Variants in UNC79 observed in about 807,000 individuals in gnomAD.
UNC79 encodes protein unc-79 homolog.
Under a neutral mutation model 283.1 loss-of-function variants are expected in UNC79, and 37 were observed. That is an observed-to-expected ratio of 0.13 (90% CI 0.10 to 0.17). UNC79 has a LOEUF of 0.17. Among genes scored for constraint, UNC79 ranks in the 10% least tolerant of loss-of-function variants. The pLI is 1.00. For missense variants in UNC79, 2,272 were observed against 3,211.1 expected, an observed-to-expected ratio of 0.71 and a Z score of 7.07; for synonymous variants, 1,107 against 1,200.2, an observed-to-expected ratio of 0.92 and a Z score of 1.61.
intron 22 of UNC79, 90 bp from the exon 23 acceptor site, chr14:93,593,590 A>G: frequency 1.3e-6 from 2 of 1,484,958 alleles, no homozygotes; most frequent in Non-Finnish European, 1.8e-6. Context: ...ACCGTCTTGT[A>G]ACTACTCTTG....
chr14:93,384,656 C>G (rs987287220), intron 1 of UNC79, among the ~76,000 whole-genome samples: 3 of 152,154 alleles, frequency 2.0e-5, no homozygotes, highest in African/African-American at 7.2e-5. Flanking sequence ...TGGGTTGTCT[C>G]TTTGCTTTGT....
intron 26 of UNC79, among the ~76,000 whole-genome samples, chr14:93,610,308 C>G (rs774497718): frequency 7.2e-5 from 11 of 152,320 alleles, no homozygotes; most frequent in Middle Eastern, 3.4e-3. Flanking sequence ...CTCTCATACA[C>G]TCTTCAGTTC....
intron 1 of UNC79, among the ~76,000 whole-genome samples, chr14:93,416,859 T>A (rs908646953): frequency 2.0e-5 from 3 of 152,186 alleles, no homozygotes; most frequent in Non-Finnish European, 2.9e-5. Flanking sequence ...CCTTTTTTTG[T>A]TTTCCATTGG....
intron 22 of UNC79, among the ~76,000 whole-genome samples, chr14:93,591,434 A>G (rs2064669354): frequency 6.6e-6 from 1 of 152,248 alleles, no homozygotes; most frequent in African/African-American, 2.4e-5. Flanking sequence ...TGATAACATA[A>G]AGAGCTGATT....
intron 24 of UNC79, 130 bp from the exon 25 acceptor site, chr14:93,600,439 T>C (rs1238850622): frequency 1.7e-6 from 1 of 597,204 alleles, no homozygotes; most frequent in Middle Eastern, 4.5e-4. Context: ...GGGATCATTC[T>C]ACATTATAAG....
chr14:93,451,715 C>T (rs962625602), intron 1 of UNC79, among the ~76,000 whole-genome samples: 1 of 152,124 alleles, frequency 6.6e-6, no homozygotes, highest in Non-Finnish European at 1.5e-5. Flanking sequence ...CTCTTCTGCC[C>T]CTTACCTCCT....
chr14:93,526,251 T>C (rs539590701), intron 8 of UNC79, among the ~76,000 whole-genome samples: 24 of 152,356 alleles, frequency 1.6e-4, no homozygotes, highest in Middle Eastern at 3.4e-3. Flanking sequence ...ACAATAGGTC[T>C]GGCTCAGTAT....
At chr14:93,657,351 AT>A (rs11322674) in intron 38 of UNC79, among the ~76,000 whole-genome samples, 80,183 of 136,888 alleles carry the variant, frequency 0.59, 23,328 homozygotes, top group Admixed American at 0.66. Flanking sequence ...GGTATGGCAA[AT>A]TTTTTTTTTT....
At chr14:93,618,547 G>T (rs2066897944) in intron 29 of UNC79, among the ~76,000 whole-genome samples, 193 bp downstream of exon 30, 2 of 152,158 alleles carry the variant, frequency 1.3e-5, no homozygotes, top group Non-Finnish European at 1.5e-5. Context: ...AGGAATAAAT[G>T]ATGTGCTTCC....
intron 14 of UNC79, among the ~76,000 whole-genome samples, chr14:93,552,460 T>A (rs1196110676): frequency 1.3e-5 from 2 of 152,030 alleles, no homozygotes; most frequent in African/African-American, 4.8e-5. Context: ...TGGAAGAAAA[T>A]TTTTAAAATG....
chr14:93,673,496 A>C, intron 41 of UNC79, 41 bp downstream of exon 44: 1 of 1,575,024 alleles, frequency 6.3e-7, no homozygotes, highest in South Asian at 1.1e-5. Flanking sequence ...CATGAGATCC[A>C]TGTATGTTTG....
At chr14:93,694,029 A>G (rs1175025667) in intron 46 of UNC79, among the ~76,000 whole-genome samples, 1 of 152,228 alleles carries the variant, frequency 6.6e-6, no homozygotes, top group Admixed American at 6.5e-5. Context: ...AAGGCAACAG[A>G]GGCCATTTAT....
chr14:93,495,667 T>C (rs544380021), intron 5 of UNC79, among the ~76,000 whole-genome samples: 1 of 152,226 alleles, frequency 6.6e-6, no homozygotes, highest in Admixed American at 6.5e-5. Flanking sequence ...AAAAGTCAAG[T>C]AAGATGAGGA....
At chr14:93,438,639 G>A in intron 1 of UNC79, among the ~76,000 whole-genome samples, 1 of 149,868 alleles carries the variant, frequency 6.7e-6, no homozygotes, top group East Asian at 1.9e-4. Context: ...TTTCAAGCAG[G>A]TTTCACTGGC....
chr14:93,674,155 A>G (rs2073135660), intron 41 of UNC79, among the ~76,000 whole-genome samples: 1 of 152,072 alleles, frequency 6.6e-6, no homozygotes, highest in Non-Finnish European at 1.5e-5. Context: ...AGAAAGAGGT[A>G]AAAAAACTCC....
chr14:93,556,333 C>T (rs761499817), intron 14 of UNC79, among the ~76,000 whole-genome samples: 2 of 152,100 alleles, frequency 1.3e-5, no homozygotes, highest in Non-Finnish European at 2.9e-5. Context: ...TAAGCAACTG[C>T]TATTGGACAT....
At chr14:93,374,721 A>AT (rs768625182) in intron 1 of UNC79, among the ~76,000 whole-genome samples, 2 of 152,078 alleles carry the variant, frequency 1.3e-5, no homozygotes, top group Non-Finnish European at 2.9e-5. Context: ...AAAAAATATT[A>AT]TTTTTTATAG....
intron 7 of UNC79, among the ~76,000 whole-genome samples, chr14:93,521,049 T>C (rs2060298189): frequency 6.6e-6 from 1 of 152,164 alleles, no homozygotes; most frequent in East Asian, 1.9e-4. Context: ...GTTTTGGCAA[T>C]CAAGCTACTT....
At chr14:93,361,391 G>T (rs1218814548) in intron 1 of UNC79, among the ~76,000 whole-genome samples, 1 of 151,574 alleles carries the variant, frequency 6.6e-6, no homozygotes, top group African/African-American at 2.4e-5. Context: ...GTGGCCTGTG[G>T]TCTTAGTTAC....
Sources: allele counts gnomAD v4.1 joint callset (sites outside exome capture counted in the v4.1 genomes callset), GRCh38; gene constraint gnomAD v4.1.1; transcripts MANE v1.5; gene names NCBI Gene and HGNC (gene_info 2026-07-23, HGNC 2026-07-21).